THRB: variants seen among roughly 807,000 people sequenced by gnomAD.
The protein encoded by THRB is nuclear receptor subfamily 1 group A member 2.
Under a neutral mutation model 47.8 loss-of-function variants are expected in THRB, and 12 were observed. That is an observed-to-expected ratio of 0.25 (90% CI 0.16 to 0.41). The LOEUF (loss-of-function observed/expected upper bound fraction) is 0.41, where lower values mean the gene tolerates loss of function less well. THRB is among the 10% of genes least tolerant of loss of function. The pLI, the probability that THRB is intolerant of heterozygous loss-of-function variation, is 1.00. For missense variants in THRB, 348 were observed against 589.2 expected (o/e 0.59, Z 4.24); for synonymous variants, 218 against 212.2 (o/e 1.03, Z -0.24).
chr3:24,434,420 C>T (rs1169057947), intron 1 of THRB, among the ~76,000 whole-genome samples: 1 of 152,130 alleles, frequency 6.6e-6, no homozygotes, highest in Non-Finnish European at 1.5e-5. Context: ...GTGTAGATAA[C>T]AGTACATAGG....
At chr3:24,172,438 C>T (rs1215439580) in intron 5 of THRB, among the ~76,000 whole-genome samples, 1 of 152,090 alleles carries the variant, frequency 6.6e-6, no homozygotes, top group Non-Finnish European at 1.5e-5. Flanking sequence ...AAACTCAAAG[C>T]TCTTCTCTTT....
At chr3:24,410,546 G>A (rs1289835191) in intron 1 of THRB, among the ~76,000 whole-genome samples, 2 of 151,702 alleles carry the variant, frequency 1.3e-5, no homozygotes, top group Non-Finnish European at 2.9e-5. Context: ...AATTTTAAAT[G>A]CAAGTAAAAT....
chr3:24,125,406 C>T (rs1042340597), intron 10 of THRB, among the ~76,000 whole-genome samples: 1 of 152,150 alleles, frequency 6.6e-6, no homozygotes, highest in African/African-American at 2.4e-5. Context: ...ACAGCTTTCT[C>T]GTGGTGTGAT....
rs1234779231 is a variant in THRB, at chr3:24,233,618, A to AAAGAAAGAGC, written c.-42-4618_-42-4617insGCTCTTTCTT. Among the ~76,000 whole-genome samples the AAAGAAAGAGC allele has an allele frequency of 1.3e-3, 199 of 152,236 alleles. 5 individuals are homozygous for AAAGAAAGAGC. The highest frequency in any genetic ancestry group is 1.7e-3 in the South Asian group (8 of 4,830). On this transcript the variant is annotated intron_variant, in intron 3 of 10. Coordinates refer to ENST00000646209, the MANE Select transcript of THRB (RefSeq NM_001354712.2). The stretch of plus-strand genomic sequence containing the variant: ...AAGAAAGAAAGAAAGAAAGAAAGAG[A>AAAGAAAGAGC]AAGAGCCTGTAGGACATTGGTCAGA...
At chr3:24,431,082 C>T (rs13326381) in intron 1 of THRB, 67,062 of 151,870 alleles carry the variant, frequency 0.44, 15,621 homozygotes, top group East Asian at 0.52. Flanking sequence ...CCTTAAAATT[C>T]TACAGTCAGT....
intron 5 of THRB, among the ~76,000 whole-genome samples, chr3:24,185,830 A>T (rs2042498459): frequency 6.6e-6 from 1 of 152,174 alleles, no homozygotes; most frequent in Non-Finnish European, 1.5e-5. Flanking sequence ...AGAGAAGTAC[A>T]GTAGGGCATG....
At chr3:24,443,254 T>G (rs1368721650) in intron 1 of THRB, among the ~76,000 whole-genome samples, 1 of 152,010 alleles carries the variant, frequency 6.6e-6, no homozygotes. Flanking sequence ...CAAATAGAAG[T>G]AGAAACACTG....
At chr3:24,131,042 C>T (rs929398542) in intron 9 of THRB, among the ~76,000 whole-genome samples, 7 of 152,196 alleles carry the variant, frequency 4.6e-5, no homozygotes, top group South Asian at 4.1e-4. Context: ...CTTTTGGTGC[C>T]GATCATGTGG....
chr3:24,365,778 T>C (rs889285049), intron 1 of THRB, among the ~76,000 whole-genome samples: 16 of 152,226 alleles, frequency 1.1e-4, no homozygotes, highest in African/African-American at 3.9e-4. Flanking sequence ...ATAATTCTTA[T>C]GCCTTATATT....
At chr3:24,141,066 T>C (rs559956881) in intron 8 of THRB, among the ~76,000 whole-genome samples, 2 of 152,348 alleles carry the variant, frequency 1.3e-5, no homozygotes, top group African/African-American at 4.8e-5. Flanking sequence ...TTATTTACAT[T>C]TGAATCAAGA....
chr3:24,333,827 G>A (rs2062072282), intron 2 of THRB, among the ~76,000 whole-genome samples: 1 of 152,204 alleles, frequency 6.6e-6, no homozygotes, highest in South Asian at 2.1e-4. Flanking sequence ...TGTCCTTTCT[G>A]AAGAAAAATA....
intron 1 of THRB, among the ~76,000 whole-genome samples, chr3:24,472,190 C>T (rs974153861): frequency 6.6e-6 from 1 of 152,160 alleles, no homozygotes; most frequent in Non-Finnish European, 1.5e-5. Flanking sequence ...CCAGTCTGTC[C>T]ACCAAGGTTC....
intron 1 of THRB, among the ~76,000 whole-genome samples, chr3:24,368,503 A>G (rs1168934809): frequency 1.3e-5 from 2 of 152,234 alleles, no homozygotes; most frequent in African/African-American, 2.4e-5. Flanking sequence ...ACACGAAGCT[A>G]AAACTTCATA....
At chr3:24,125,997 C>T (rs953361655) in intron 10 of THRB, among the ~76,000 whole-genome samples, 1 of 151,974 alleles carries the variant, frequency 6.6e-6, no homozygotes, top group Non-Finnish European at 1.5e-5. Flanking sequence ...ATCTGCTTAC[C>T]CTTGAAATTT....
chr3:24,269,403 G>GCACACACA (rs200586026), intron 3 of THRB, among the ~76,000 whole-genome samples: 5 of 72,680 alleles, frequency 6.9e-5, no homozygotes, highest in Admixed American at 4.8e-4. Context: ...GCGCGCGCGC[G>GCACACACA]CACACACACA....
At chr3:24,377,398 T>C (rs957355027) in intron 1 of THRB, among the ~76,000 whole-genome samples, 5 of 151,666 alleles carry the variant, frequency 3.3e-5, no homozygotes, top group African/African-American at 1.2e-4. Flanking sequence ...CTCTTTGGCA[T>C]AGGTCTATAA....
At chr3:24,263,618 C>CT (rs3034414) in intron 3 of THRB, among the ~76,000 whole-genome samples, 2,653 of 136,804 alleles carry the variant, frequency 0.019, 67 homozygotes, top group African/African-American at 0.058. Flanking sequence ...GGTTACAGGC[C>CT]TTTTTTTTTT....
intron 5 of THRB, among the ~76,000 whole-genome samples, chr3:24,170,978 C>T (rs1317110323): frequency 6.6e-6 from 1 of 152,138 alleles, no homozygotes; most frequent in African/African-American, 2.4e-5. Context: ...ATATCTTCGT[C>T]ACAAGAGAAC....
At chr3:24,270,975 TA>T (rs1559787937) in intron 3 of THRB, among the ~76,000 whole-genome samples, 1 of 152,212 alleles carries the variant, frequency 6.6e-6, no homozygotes, top group Non-Finnish European at 1.5e-5. Context: ...CTTTCCAAAA[TA>T]CCTTCTCCCT....
Sources: allele counts gnomAD v4.1 joint callset (sites outside exome capture counted in the v4.1 genomes callset), GRCh38; gene constraint gnomAD v4.1.1; transcripts MANE v1.5; gene names NCBI Gene and HGNC (gene_info 2026-07-23, HGNC 2026-07-21).